The following ESRRG variants were observed in gnomAD, a reference collection of about 807,000 sequenced individuals.
The protein encoded by ESRRG is estrogen-related receptor gamma.
A neutral mutation model predicts 44.0 loss-of-function variants in ESRRG; 13 were observed. The observed-to-expected ratio is 0.30, with a 90% CI of 0.19 to 0.47. The LOEUF (loss-of-function observed/expected upper bound fraction) is 0.47. Ranked by LOEUF, ESRRG falls within the 20% of genes least tolerant of loss-of-function variation. The probability of loss-of-function intolerance (pLI) is 1.00; values close to 1 mark genes in which losing one functional copy is unlikely to be tolerated. For synonymous variants in ESRRG, 215 were observed against 214.6 expected, an observed-to-expected ratio of 1.00 and a Z score of -0.02; for missense variants, 395 against 580.6, an observed-to-expected ratio of 0.68 and a Z score of 3.29.
At chr1:216,921,132 T>TA (rs2061782495) in intron 2 of ESRRG, among the ~76,000 whole-genome samples, 1 of 152,178 alleles carries the variant, frequency 6.6e-6, no homozygotes, top group Non-Finnish European at 1.5e-5. Context: ...GTATATCATC[T>TA]AAAAAATAAA....
intron 1 of ESRRG, among the ~76,000 whole-genome samples, chr1:217,096,404 C>A (rs548024481): frequency 2.0e-5 from 3 of 152,200 alleles, no homozygotes; most frequent in Admixed American, 2.0e-4. Context: ...GGAAACTCAG[C>A]GTCATGGAAA....
chr1:217,118,237 C>A (rs190580275), intron 1 of ESRRG, among the ~76,000 whole-genome samples: 1 of 152,340 alleles, frequency 6.6e-6, no homozygotes, highest in Non-Finnish European at 1.5e-5. Flanking sequence ...TTAACCCAAA[C>A]AGTCTGATTC....
intron 1 of ESRRG, among the ~76,000 whole-genome samples, chr1:216,997,637 A>G (rs944741565): frequency 6.6e-6 from 1 of 152,166 alleles, no homozygotes; most frequent in Non-Finnish European, 1.5e-5. Context: ...CTTCCTACTT[A>G]ATTTGCATAA....
chr1:217,108,743 C>T (rs2092628350), intron 1 of ESRRG, among the ~76,000 whole-genome samples: 1 of 152,020 alleles, frequency 6.6e-6, no homozygotes, highest in South Asian at 2.1e-4. Flanking sequence ...GAGACCTCCC[C>T]AGAAGCCAAG....
chr1:216,971,889 T>G (rs1268639311), intron 1 of ESRRG, among the ~76,000 whole-genome samples: 1 of 152,212 alleles, frequency 6.6e-6, no homozygotes, highest in African/African-American at 2.4e-5. Flanking sequence ...TCAGCTACGC[T>G]AATCTCTTCT....
chr1:216,523,499 T>TG (rs1558251465), intron 5 of ESRRG, among the ~76,000 whole-genome samples: 5 of 82,212 alleles, frequency 6.1e-5, no homozygotes, highest in African/African-American at 1.5e-4. Context: ...TGTTTTTTTT[T>TG]TTGTTTTTTT....
chr1:216,716,507 A>G (rs1337510666), intron 1 of ESRRG, among the ~76,000 whole-genome samples: 1 of 151,942 alleles, frequency 6.6e-6, no homozygotes, highest in Non-Finnish European at 1.5e-5. Flanking sequence ...CAGTATGCCC[A>G]ATATTAATTT....
intron 3 of ESRRG, among the ~76,000 whole-genome samples, chr1:216,626,956 G>A (rs2063297617): frequency 6.6e-6 from 1 of 152,192 alleles, no homozygotes; most frequent in Non-Finnish European, 1.5e-5. Context: ...CCAGGGCTCT[G>A]CCAGAACCTA....
chr1:216,738,729 C>T (rs871557), intron 2 of ESRRG, among the ~76,000 whole-genome samples: 104,705 of 152,054 alleles, frequency 0.69, 37,017 homozygotes, highest in East Asian at 0.82. Context: ...CACTTATAAA[C>T]AAAAAAAATT....
intron 1 of ESRRG, among the ~76,000 whole-genome samples, chr1:217,118,410 A>G (rs923985518): frequency 6.6e-6 from 1 of 152,116 alleles, no homozygotes; most frequent in South Asian, 2.1e-4. Flanking sequence ...CTGTAGCTCT[A>G]TCTAGTCCTG....
chr1:216,522,301 GA>G (rs1299364357), intron 5 of ESRRG, among the ~76,000 whole-genome samples: 1 of 138,598 alleles, frequency 7.2e-6, no homozygotes, highest in East Asian at 2.1e-4. Context: ...GGAGCATGAG[GA>G]GACGGATATA....
intron 1 of ESRRG, among the ~76,000 whole-genome samples, chr1:217,075,582 G>T (rs1052649652): frequency 1.3e-4 from 18 of 139,716 alleles, no homozygotes; most frequent in African/African-American, 3.7e-4. Context: ...GCTTCAAATT[G>T]CTCCTTTCCC....
At chr1:216,878,872 CCA>C (rs2096398250) in intron 2 of ESRRG, among the ~76,000 whole-genome samples, 1 of 152,144 alleles carries the variant, frequency 6.6e-6, no homozygotes, top group Non-Finnish European at 1.5e-5. Flanking sequence ...CTTTATTCTT[CCA>C]CATAAGTTTC....
intron 2 of ESRRG, among the ~76,000 whole-genome samples, chr1:216,806,305 GC>G (rs1277245511): frequency 2.0e-5 from 3 of 152,146 alleles, no homozygotes; most frequent in Non-Finnish European, 2.9e-5. Context: ...AAACAGGCTG[GC>G]TTTTTGATGT....
At position 216,948,665 on chromosome 1, in the gene ESRRG, T is replaced by C. The variant is rs988430889; in HGVS notation, c.-105-8992A>G. ...TTTGGGGGTATTTGGGATTGTTGTG[T>C]TCTCAAAAATTTAACAATCATAGCT... is the stretch of plus-strand genomic sequence containing the variant. On this transcript the variant is annotated intron_variant, in intron 1 of 7. Coordinates refer to the ESRRG transcript ENST00000359162. Among the ~76,000 whole-genome samples the C allele has an allele frequency of 2.6e-5, 4 of 152,204 alleles. No homozygotes were observed. In the East Asian group the frequency reaches 7.7e-4, roughly 29 times the overall value.
At chr1:217,113,442 G>T (rs1463567095) in intron 1 of ESRRG, among the ~76,000 whole-genome samples, 1 of 152,174 alleles carries the variant, frequency 6.6e-6, no homozygotes, top group Non-Finnish European at 1.5e-5. Context: ...TTGAGTAGGA[G>T]TGGGGCAGGT....
chr1:216,991,460 A>T (rs1051422763), intron 1 of ESRRG, among the ~76,000 whole-genome samples: 2 of 152,126 alleles, frequency 1.3e-5, no homozygotes, highest in East Asian at 1.9e-4. Flanking sequence ...ACTCTGGGCC[A>T]AGCACTGGAT....
chr1:216,818,672 A>G (rs1297317534), intron 2 of ESRRG, among the ~76,000 whole-genome samples: 1 of 151,942 alleles, frequency 6.6e-6, no homozygotes, highest in Non-Finnish European at 1.5e-5. Context: ...ATATAGACAA[A>G]TGTGTGCCAT....
intron 5 of ESRRG, among the ~76,000 whole-genome samples, chr1:216,549,901 T>C (rs576639185): frequency 5.8e-4 from 88 of 152,244 alleles, no homozygotes; most frequent in African/African-American, 2.1e-3. Flanking sequence ...AGAGGAAATA[T>C]AGAAGATTGG....
Sources: allele counts gnomAD v4.1 joint callset (sites outside exome capture counted in the v4.1 genomes callset), GRCh38; gene constraint gnomAD v4.1.1; transcripts MANE v1.5; gene names NCBI Gene and HGNC (gene_info 2026-07-23, HGNC 2026-07-21).